ACBD5: variants seen among roughly 807,000 people sequenced by gnomAD.
ACBD5 encodes acyl-CoA-binding domain-containing protein 5.
ACBD5 carries 40 observed loss-of-function variants against 71.8 expected under a neutral mutation model. The ratio of observed to expected loss-of-function variants is 0.56; its 90% CI spans 0.43 to 0.72. The LOEUF (loss-of-function observed/expected upper bound fraction) is 0.72. Among genes scored for constraint, ACBD5 ranks in the 30% least tolerant of loss-of-function variants. The pLI, the probability that ACBD5 is intolerant of heterozygous loss-of-function variation, is 0.00. For missense variants in ACBD5, 559 were observed against 644.5 expected (o/e 0.87, Z 1.44); for synonymous variants, 229 against 218.6 (o/e 1.05, Z -0.42).
intron 8 of ACBD5, 77 bp from the exon 9 acceptor site, chr10:27,211,158 G>T: frequency 7.2e-7 from 1 of 1,384,470 alleles, no homozygotes; most frequent in Non-Finnish European, 1.0e-6. Context: ...AGCAATAGGA[G>T]AAATACTGTT....
rs1564592660 is a variant in ACBD5 at position 27,208,333 on chromosome 10, C to T, written c.1317G>A (p.Gln439=). The change falls in exon 10 of 13, where the codon CAG becomes CAA. Residue 439 remains glutamine (Q), a synonymous_variant. Transcript: ENST00000396271. ...GCAGTCTCATCAGCACGAGGGCGAT[C>T]TGCTCATTGAGGCTGCCTCGGGACC... ...DRGSRGSLNE[Q]IALVLMRLQE... is the part of the protein sequence containing the mutation. 2.5e-6 allele frequency: 4 copies of T among 1,614,216 alleles called. No individual in the cohort carries two copies. In the South Asian group the frequency reaches 4.4e-5, roughly 18 times the overall value.
intron 8 of ACBD5, among the ~76,000 whole-genome samples, chr10:27,214,198 T>C (rs2061395301): frequency 6.6e-6 from 1 of 152,126 alleles, no homozygotes; most frequent in Non-Finnish European, 1.5e-5. Flanking sequence ...TAGTCGGCAA[T>C]ACTTTGTTGT....
In ACBD5 at chr10:27,236,941, G is replaced by T. The variant is rs114864448; in HGVS notation, c.182-1729C>A. Reference sequence around the variant, plus strand: ...GGAAATTACCACAGAGATAAACTGAGAACTAGTGTTTCAGGTTTGGCCGAG... The same window carrying T: ...GGAAATTACCACAGAGATAAACTGATAACTAGTGTTTCAGGTTTGGCCGAG... On this transcript the variant is annotated intron_variant, in intron 2 of 12. Transcript: ENST00000396271. Among the ~76,000 whole-genome samples, 1,049 of 146,744 alleles carry T rather than the reference G, an allele frequency of 7.1e-3. 13 individuals carry two copies. Among genetic ancestry groups the T allele is most frequent in the African/African-American group, 0.026 (1,021 of 39,798 alleles).
At chr10:27,233,272 T>C (rs481629) in intron 3 of ACBD5, among the ~76,000 whole-genome samples, 144,996 of 152,104 alleles carry the variant, frequency 0.95, 69,173 homozygotes, top group East Asian at 1. Context: ...ACTAAAGACA[T>C]AAAAATTAGC....
At chr10:27,217,944 A>T in intron 7 of ACBD5, 36 bp downstream of exon 7, 4 of 1,578,716 alleles carry the variant, frequency 2.5e-6, no homozygotes, top group Non-Finnish European at 3.5e-6. Flanking sequence ...TATTCATAGG[A>T]AAGAGGCTGG....
intron 9 of ACBD5, among the ~76,000 whole-genome samples, chr10:27,209,327 A>G (rs1422250183): frequency 6.6e-6 from 1 of 151,634 alleles, no homozygotes; most frequent in African/African-American, 2.4e-5. Flanking sequence ...TAAATCTCCA[A>G]AGGTATTTGT....
chr10:27,214,211 A>C (rs2061397718), intron 8 of ACBD5, among the ~76,000 whole-genome samples: 1 of 152,156 alleles, frequency 6.6e-6, no homozygotes, highest in South Asian at 2.1e-4. Flanking sequence ...TTTGTTGTAC[A>C]TTTTAGAATA....
Position 27,204,926 on chromosome 10 carries a change from GACCAT to G in ACBD5, c.1455+267_1455+271del, listed in dbSNP as rs543264019. On this transcript the variant is annotated intron_variant, in intron 11 of 12. Transcript: ENST00000396271. ...GCAGATCACGAGGTCAGGAGATCGA[GACCAT>G]CTTGGCTAACATGGTGAAACCCTGT... 2.0e-3 allele frequency among the ~76,000 whole-genome samples: 300 copies of G among 152,288 alleles called. 1 individual carries two copies. The highest frequency in any genetic ancestry group is 6.9e-3 in the African/African-American group (285 of 41,556).
downstream of ACBD5, among the ~76,000 whole-genome samples, chr10:27,193,098 C>T (rs1489373754): frequency 3.7e-5 from 5 of 136,676 alleles, no homozygotes; most frequent in Admixed American, 7.3e-5. Context: ...CCCTTCCTCT[C>T]TCTCTTTCCT....
rs1491343635 is a variant in ACBD5 at position 27,189,787 on chromosome 10, TAA to T, written c.1494-7074_1494-7073del. ...TAATAAAAATATATATATATATATA[TAA>T]ATAAACTTTTGTTTTCACAACGGCA... On this transcript the variant is annotated intron_variant, in intron 13 of 13. Coordinates refer to the ACBD5 transcript ENST00000676511. 3.0e-3 allele frequency among the ~76,000 whole-genome samples: 428 copies of T among 142,532 alleles called. 4 individuals carry two copies. The highest frequency in any genetic ancestry group is 0.025 in the South Asian group (110 of 4,408). 93.5% of individuals were successfully genotyped at this position (142,532 alleles called of 152,430 possible).
intron 4 of ACBD5, among the ~76,000 whole-genome samples, chr10:27,228,806 TATA>T (rs2063431750): frequency 7.7e-4 from 4 of 5,174 alleles, no homozygotes; most frequent in South Asian, 0.013. Flanking sequence ...TATATATATA[TATA>T]TATATATTTT....
intron 13 of ACBD5, among the ~76,000 whole-genome samples, chr10:27,184,554 ATTT>A (rs752147433): frequency 5.9e-5 from 5 of 84,846 alleles, no homozygotes; most frequent in Admixed American, 1.8e-4. Flanking sequence ...TATAAGAAGG[ATTT>A]TTTTTTTTTT....
At chr10:27,209,056 T>C (rs1225677785) in intron 9 of ACBD5, among the ~76,000 whole-genome samples, 2 of 152,062 alleles carry the variant, frequency 1.3e-5, no homozygotes, top group Admixed American at 6.6e-5. Flanking sequence ...AAAAATTCTT[T>C]ACTAATAAGG....
chr10:27,235,030 A>T, intron 3 of ACBD5, 62 bp downstream of exon 3: 1 of 1,497,744 alleles, frequency 6.7e-7, no homozygotes. Flanking sequence ...CTTAAGTAAT[A>T]GCCATATGAT....
downstream of ACBD5, among the ~76,000 whole-genome samples, chr10:27,194,645 T>TAAGAAGAAG (rs1461635766): frequency 1.3e-5 from 2 of 148,458 alleles, no homozygotes; most frequent in African/African-American, 4.9e-5. Context: ...ATAATAATAA[T>TAAGAAGAAG]AATAAGATGG....
intron 8 of ACBD5, among the ~76,000 whole-genome samples, chr10:27,212,213 G>A (rs2061163400): frequency 6.6e-6 from 1 of 152,178 alleles, no homozygotes; most frequent in Non-Finnish European, 1.5e-5. Flanking sequence ...GCCAGTCAGG[G>A]CGGCACATGC....
At chr10:27,209,585 A>G (rs1011733914) in intron 9 of ACBD5, among the ~76,000 whole-genome samples, 3 of 152,262 alleles carry the variant, frequency 2.0e-5, no homozygotes, top group Non-Finnish European at 4.4e-5. Flanking sequence ...GGCCTCCCAA[A>G]GTGCTGGGAT....
rs1169698235 is a variant in ACBD5, at chr10:27,196,331, T to C, written c.*1099A>G. The C allele has an allele frequency of 4.4e-6, 2 of 454,144 alleles. No homozygotes were observed. Among genetic ancestry groups the C allele is most frequent in the Admixed American group, 4.7e-5 (2 of 42,572 alleles). 28.1% of individuals were successfully genotyped at this position (454,144 alleles called of 1,614,324 possible). ...AAGGATCTAAATTGTAGTCTTCTTTTTGGTCTAGATGAGAGAGGTGGGGAA... is the reference window on the plus strand; with the variant it reads ...AAGGATCTAAATTGTAGTCTTCTTTCTGGTCTAGATGAGAGAGGTGGGGAA... On this transcript the variant is annotated 3_prime_UTR_variant, in exon 13 of 13. Transcript: ENST00000396271.
Position 27,240,609 on chromosome 10 carries a change from T to C in ACBD5, c.15+65A>G. On this transcript the variant is annotated intron_variant, in intron 1 of 12. Transcript: ENST00000396271. This position sits in a 1 kb window ranked among gnomAD's most constrained non-coding sequence, Gnocchi z 4.1. ...CACAGATCGAAGCGGCCCGGCTCCT[T>C]CCTCCTCCCCCGGGGCGTGACTAAG... 1 of 1,550,790 alleles carries C rather than the reference T, an allele frequency of 6.4e-7. No homozygotes were observed. Among genetic ancestry groups the C allele is most frequent in the South Asian group, 1.2e-5 (1 of 84,040 alleles).
Sources: allele counts gnomAD v4.1 joint callset (sites outside exome capture counted in the v4.1 genomes callset), GRCh38; gene constraint gnomAD v4.1.1; non-coding constraint Gnocchi (gnomAD v3.1); transcripts MANE v1.5; gene names NCBI Gene and HGNC (gene_info 2026-07-23, HGNC 2026-07-21).